PASD1: variants seen among roughly 807,000 people sequenced by gnomAD.
PASD1 encodes PAS domain containing repressor 1, also known as circadian clock protein PASD1.
A neutral mutation model predicts 58.8 loss-of-function variants in PASD1; 13 were observed. That is an observed-to-expected ratio of 0.22 (90% CI 0.14 to 0.35). The LOEUF (loss-of-function observed/expected upper bound fraction) is 0.35. PASD1 is among the 10% of genes least tolerant of loss of function. The pLI, the probability that PASD1 is intolerant of heterozygous loss-of-function variation, is 1.00. For missense variants in PASD1, 734 were observed against 568.3 expected, an observed-to-expected ratio of 1.29 and a Z score of -2.96; for synonymous variants, 236 against 216.7, an observed-to-expected ratio of 1.09 and a Z score of -0.78.
chrX:151,577,152 T>C (rs2013018936), intron 1 of PASD1, among the ~76,000 whole-genome samples: 1 of 111,617 alleles, frequency 9.0e-6, no homozygotes, highest in Admixed American at 9.5e-5. Flanking sequence ...CTGGGCAATA[T>C]AGTGAGACCT....
intron 1 of PASD1, among the ~76,000 whole-genome samples, chrX:151,586,248 C>G (rs758860462): frequency 8.9e-5 from 10 of 112,416 alleles, no homozygotes; most frequent in Non-Finnish European, 1.7e-4. Context: ...CATATACTCA[C>G]TTTCACATCA....
At position 151,611,672 on chromosome X, in the gene PASD1, T is replaced by C. The variant is rs1206846171; in HGVS notation, c.126T>C (p.Asp42=). ...YFNQVTLQLL[D]GFMITLSTDG... ...TATTCTCTCGTCATTAGTTATTAGA[T>C]GGCTTTATGATTACACTGAGCACAG... The change falls in exon 4 of 16, where the codon GAT becomes GAC. Residue 42 remains aspartate (D), a synonymous_variant. Coordinates refer to ENST00000370357, the MANE Select transcript of PASD1 (RefSeq NM_173493.3). The C allele has an allele frequency of 1.7e-6, 2 of 1,182,589 alleles. No homozygotes were observed. Among genetic ancestry groups the C allele is most frequent in the African/African-American group, 3.6e-5 (2 of 56,291 alleles).
chrX:151,604,407 A>G lies in PASD1; in HGVS notation c.29-239A>G, dbSNP rs917540879. The stretch of plus-strand genomic sequence containing the variant: ...ATCATAAAATTGTTGGACAGGTCAT[A>G]ATGTGTGTGGTAGAAATTGAGTTGG... On this transcript the variant is annotated intron_variant, in intron 2 of 15. Transcript: ENST00000370357. Among the ~76,000 whole-genome samples, 3 of 111,780 alleles carry G rather than the reference A, an allele frequency of 2.7e-5. No individual in the cohort carries two copies. In the Admixed American group the frequency reaches 2.8e-4, roughly 11 times the overall value.
chrX:151,604,190 A>C (rs1444500189), intron 2 of PASD1, among the ~76,000 whole-genome samples: 1 of 111,845 alleles, frequency 8.9e-6, no homozygotes, highest in Non-Finnish European at 1.9e-5. Context: ...AGGCTTGAAG[A>C]TATTCTAGTT....
At chrX:151,590,545 C>G (rs763834912) in intron 1 of PASD1, among the ~76,000 whole-genome samples, 1 of 111,197 alleles carries the variant, frequency 9.0e-6, no homozygotes, top group South Asian at 3.9e-4. Context: ...TGGACTGATT[C>G]TCAGGACATG....
At chrX:151,672,856 A>C in intron 14 of PASD1, 195 bp downstream of exon 14, 1 of 635,899 alleles carries the variant, frequency 1.6e-6, no homozygotes, top group Non-Finnish European at 2.3e-6. Flanking sequence ...TGCATGGATG[A>C]GCATCCATTG....
intron 8 of PASD1, among the ~76,000 whole-genome samples, chrX:151,629,618 A>T (rs1041266601): frequency 8.9e-6 from 1 of 111,808 alleles, no homozygotes; most frequent in Non-Finnish European, 1.9e-5. Context: ...TTCTTAGATG[A>T]CCTTTTACTG....
chrX:151,619,425 AT>A (rs769353253), intron 4 of PASD1, among the ~76,000 whole-genome samples: 1 of 111,452 alleles, frequency 9.0e-6, no homozygotes, highest in Non-Finnish European at 1.9e-5. Context: ...GTGGTATTTA[AT>A]GAGATGGAAG....
At chrX:151,579,967 G>A (rs1214349117) in intron 1 of PASD1, among the ~76,000 whole-genome samples, 1 of 111,506 alleles carries the variant, frequency 9.0e-6, no homozygotes, top group African/African-American at 3.3e-5. Flanking sequence ...ATTAGCCAGG[G>A]AACCCTGAGC....
At chrX:151,605,330 A>G (rs1344834617) in intron 3 of PASD1, among the ~76,000 whole-genome samples, 1 of 111,951 alleles carries the variant, frequency 8.9e-6, no homozygotes, top group Non-Finnish European at 1.9e-5. Context: ...TGATGTGAGA[A>G]TAAAATAAAG....
At chrX:151,641,854 A>G (rs761838687) in intron 8 of PASD1, among the ~76,000 whole-genome samples, 71 of 111,599 alleles carry the variant, frequency 6.4e-4, no homozygotes, top group Non-Finnish European at 1.2e-3. Context: ...GCGCGCGCGT[A>G]TACCAGACAT....
chrX:151,616,073 A>G (rs2013633486), intron 4 of PASD1, among the ~76,000 whole-genome samples: 1 of 112,273 alleles, frequency 8.9e-6, no homozygotes, highest in Non-Finnish European at 1.9e-5. Context: ...GAGCAAAAGG[A>G]AAATAGAGAT....
intron 8 of PASD1, among the ~76,000 whole-genome samples, chrX:151,638,969 T>C (rs1419611030): frequency 8.9e-6 from 1 of 112,129 alleles, no homozygotes; most frequent in African/African-American, 3.2e-5. Context: ...TCAAAAACTT[T>C]CGGTGCTTTC....
chrX:151,651,705 C>G (rs2014130563), intron 9 of PASD1, among the ~76,000 whole-genome samples: 1 of 112,428 alleles, frequency 8.9e-6, no homozygotes, highest in Non-Finnish European at 1.9e-5. Flanking sequence ...AATAATAACA[C>G]TGAAAACTAA....
At chrX:151,613,006 G>A (rs2013586437) in intron 4 of PASD1, among the ~76,000 whole-genome samples, 1 of 111,533 alleles carries the variant, frequency 9.0e-6, no homozygotes, top group South Asian at 3.8e-4. Flanking sequence ...AAGGTGTAAG[G>A]AAGCGATCCA....
At position 151,653,198 on chromosome X, in the gene PASD1, T is replaced by TA. The variant is rs2014156529; in HGVS notation, c.717+4496_717+4497insA. 1.9e-4 allele frequency among the ~76,000 whole-genome samples: 18 copies of TA among 92,431 alleles called. No individual in the cohort carries two copies. The South Asian group carries it at 2.3e-3, about 12-fold the overall frequency. 80.3% of individuals were successfully genotyped at this position (92,431 alleles called of 115,157 possible). A position where few individuals can be genotyped will look rare whatever the true frequency, so the allele number is the denominator to read the frequency against. Reference sequence around the variant, plus strand: ...TGTGTGTGTATATATATATATATATTTTTTTTTTTTTGAGATAAAGTTTCG... The same window carrying TA: ...TGTGTGTGTATATATATATATATATTATTTTTTTTTTTGAGATAAAGTTTCG... On this transcript the variant is annotated intron_variant, in intron 9 of 15. Transcript: ENST00000370357.
At chrX:151,628,207 T>G (rs1351096880) in intron 8 of PASD1, among the ~76,000 whole-genome samples, 4 of 111,559 alleles carry the variant, frequency 3.6e-5, no homozygotes, top group Non-Finnish European at 7.5e-5. Flanking sequence ...CTCTTTAGTT[T>G]AATTAGATCC....
At chrX:151,582,866 T>A (rs1232303395) in intron 1 of PASD1, among the ~76,000 whole-genome samples, 1 of 111,918 alleles carries the variant, frequency 8.9e-6, no homozygotes, top group Non-Finnish European at 1.9e-5. Flanking sequence ...TTACAGACAC[T>A]TTGTCAGCAT....
chrX:151,616,262 T>C (rs764788079), intron 4 of PASD1, among the ~76,000 whole-genome samples: 1 of 111,288 alleles, frequency 9.0e-6, no homozygotes, highest in South Asian at 3.9e-4. Context: ...CAGAGTCCAC[T>C]TGGAGGGCCA....
Sources: gnomAD v4.1 joint callset for allele counts (sites outside exome capture counted in the v4.1 genomes callset) on GRCh38, gnomAD v4.1.1 for gene constraint, MANE v1.5 for transcripts, NCBI Gene and HGNC (gene_info 2026-07-23, HGNC 2026-07-21) for gene names.